The following MFRP variants were observed in gnomAD, a reference collection of about 807,000 sequenced individuals.
MFRP encodes the protein C1q and TNF related 5.
In MFRP, 74 loss-of-function variants were observed where a neutral mutation model predicts 65.8. The observed-to-expected ratio is 1.12, with a 90% CI of 0.93 to 1.36. MFRP has a LOEUF of 1.36. Ranked by LOEUF, MFRP falls within the 40% of genes most tolerant of loss-of-function variation. MFRP has a pLI of 0.00. For synonymous variants in MFRP, 336 were observed against 288.3 expected (o/e 1.17, Z -1.68); for missense variants, 838 against 736.0 (o/e 1.14, Z -1.60).
chr11:119,344,605 G>A (rs1468657921), intron 7 of MFRP, 27 bp downstream of exon 7: 6 of 1,613,870 alleles, frequency 3.7e-6, no homozygotes, highest in Admixed American at 1.7e-5. Flanking sequence ...GACGCCTGAA[G>A]AGAGGACCCC....
intron 7 of MFRP, 30 bp downstream of exon 7, chr11:119,344,602 G>T: frequency 4.3e-6 from 7 of 1,613,798 alleles, no homozygotes; most frequent in Non-Finnish European, 5.1e-6. Flanking sequence ...TCAGACGCCT[G>T]AAGAGAGGAC....
intron 7 of MFRP, 97 bp from the exon 8 acceptor site, chr11:119,344,488 CATGGG>C: frequency 6.4e-7 from 1 of 1,564,962 alleles, no homozygotes; most frequent in Non-Finnish European, 8.7e-7. Context: ...TGGCCATGCC[CATGGG>C]AAACAAGTTC....
Position 119,343,907 on chromosome 11 carries a change from T to A in MFRP, c.1033A>T (p.Asn345Tyr), listed in dbSNP as rs771627725. ...AGHSIELQFH[N>Y]FSLEAQDECK... ...TCGTCCTGAGCCTCCAGGCTGAAGT[T>A]GTGGAACTGTAGTTCTATGCTGTGT... Residue 345 changes from asparagine (N) to tyrosine (Y), a missense_variant, in exon 9 of 15, where the codon AAC becomes TAC. Physicochemically the swap from Asn to Tyr is moderately radical, Grantham distance 143. Transcript: ENST00000619721. 1.9e-6 allele frequency: 3 copies of A among 1,613,538 alleles called. No homozygotes were observed. In the African/African-American group the frequency reaches 4.0e-5, roughly 22 times the overall value.
Position 119,338,986 on chromosome 11 carries a change from C to A in MFRP, c.*1973G>T, listed in dbSNP as rs551431328. ...GAGTGATCTCTGAGAAAAGGGCCGG[C>A]CCCAGGAGCAGGAGGGGGTGGGGAG... On this transcript the variant is annotated 3_prime_UTR_variant, in exon 15 of 15. Coordinates refer to ENST00000619721, the MANE Select transcript of MFRP (RefSeq NM_031433.4). 21 of 241,438 alleles carry A rather than the reference C, an allele frequency of 8.7e-5. No homozygotes were observed. In the East Asian group the frequency reaches 1.7e-3, roughly 19 times the overall value. The allele number at this position is 241,438 out of a possible 1,614,324, so 15.0% of individuals were successfully genotyped here. A position where few individuals can be genotyped will look rare whatever the true frequency, so the allele number is the denominator to read the frequency against.
intron 13 of MFRP, 35 bp downstream of exon 13, chr11:119,340,660 T>G: frequency 2.1e-6 from 1 of 465,858 alleles, no homozygotes; most frequent in Non-Finnish European, 3.7e-6. Context: ...CACAGTCCCC[T>G]CCCCAGCCCC....
rs1049764064 is a variant in MFRP at position 119,344,950 on chromosome 11, C to T, written c.696G>A (p.Leu232=). ...CACTGCTGTCAGAGACGAAGACCAC[C>T]AGGAGGTGGCTGGCATTGGTGTTGA... ...PTLNTNASHL[L]VVFVSDSSVE... The change falls in exon 6 of 15, where the codon CTG becomes CTA. Residue 232 remains leucine (L), a synonymous_variant. Coordinates refer to ENST00000619721, the MANE Select transcript of MFRP (RefSeq NM_031433.4). 2 of 1,610,136 alleles carry T rather than the reference C, an allele frequency of 1.2e-6. No homozygotes were observed. Among genetic ancestry groups the T allele is most frequent in the Non-Finnish European group, 1.7e-6 (2 of 1,178,750 alleles).
chr11:119,341,771 C>T lies in MFRP; in HGVS notation c.1517G>A (p.Ser506Asn), dbSNP rs1470428145. The change falls in exon 13 of 15, where the codon AGC (serine) becomes AAC (asparagine). Residue 506 changes from serine (S) to asparagine (N), a missense_variant and splice_region_variant. Transcript: ENST00000619721. ...CTGGTAGCAGGGCAGGCTTGTCAGG[C>T]TCTGCGGAGGGAGAGTGGCCTTCAG... ...EVVEVLSGYK[S>N]LTSLPCYQHF... The T allele has an allele frequency of 6.2e-7, 1 of 1,613,128 alleles. No individual in the cohort carries two copies. The highest frequency in any genetic ancestry group is 1.1e-5 in the South Asian group (1 of 91,084).
At chr11:119,344,056 G>C (rs1489920214) in intron 8 of MFRP, 92 bp from the exon 9 acceptor site, 4 of 1,515,024 alleles carry the variant, frequency 2.6e-6, no homozygotes, top group South Asian at 1.1e-5. Flanking sequence ...CTGCTGGCTG[G>C]GGGGATGGGG....
rs1410233881 is a variant in MFRP at position 119,345,405 on chromosome 11, G to T, written c.641+15C>A. The T allele has an allele frequency of 6.2e-7, 1 of 1,612,722 alleles. No homozygotes were observed. Among genetic ancestry groups the T allele is most frequent in the South Asian group, 1.1e-5 (1 of 91,038 alleles). ...TCAGGACACGGTGGGATGTCCTGGG[G>T]ACAGAGGGACCTACCTGAGGAGGGG... On this transcript the variant is annotated intron_variant, in intron 5 of 14. Transcript: ENST00000619721.
rs1227789714 is a variant in MFRP, at chr11:119,339,291, C to G, written c.*1668G>C. On this transcript the variant is annotated 3_prime_UTR_variant, in exon 15 of 15. Coordinates refer to ENST00000619721, the MANE Select transcript of MFRP (RefSeq NM_031433.4). This position sits in a 1 kb window ranked among gnomAD's most constrained non-coding sequence, Gnocchi z 5.4. The stretch of plus-strand genomic sequence containing the variant: ...ACCTGGTTGTCAGCCTCACACCCTC[C>G]TTCTAGGAGTGAGAGCATGAGCTCA... 6.3e-7 allele frequency: 1 copy of G among 1,596,306 alleles called. No individual in the cohort carries two copies. Among genetic ancestry groups the G allele is most frequent in the East Asian group, 2.2e-5 (1 of 44,654 alleles).
At position 119,340,302 on chromosome 11, in the gene MFRP, G is replaced by C. The variant is rs760578346; in HGVS notation, c.*992C>G. The C allele has an allele frequency of 8.5e-6, 13 of 1,535,396 alleles. No individual in the cohort carries two copies. The highest frequency in any genetic ancestry group is 2.8e-5 in the African/African-American group (2 of 70,868). On this transcript the variant is annotated 3_prime_UTR_variant, in exon 14 of 15. Coordinates refer to ENST00000619721, the MANE Select transcript of MFRP (RefSeq NM_031433.4). ...GGTGGCCCGGCGTGCCTGGAAGGCC[G>C]GGGTGCCCCGGGCAGAGGCTGGGGA...
In MFRP at chr11:119,344,612, C is replaced by G; in HGVS notation, c.898+20G>C. 1.2e-6 allele frequency: 2 copies of G among 1,613,908 alleles called. No homozygotes were observed. Among genetic ancestry groups the G allele is most frequent in the Non-Finnish European group, 1.7e-6 (2 of 1,180,034 alleles). ...CCAGATCAGACGCCTGAAGAGAGGA[C>G]CCCCATGCCTGGCCCGTACCCGAGA... is the stretch of plus-strand genomic sequence containing the variant. On this transcript the variant is annotated intron_variant, in intron 7 of 14. Coordinates refer to ENST00000619721, the MANE Select transcript of MFRP (RefSeq NM_031433.4).
In MFRP at chr11:119,341,537, C is replaced by A. The variant is rs752068989; in HGVS notation, c.*11G>T. ...GGACGGGCAGGAAGAGGGCAGGGGC[C>A]GGCTTCAGGGTCAGGGCTGGGCACA... On this transcript the variant is annotated 3_prime_UTR_variant, in exon 13 of 15. Transcript: ENST00000619721. 10 of 1,608,946 alleles carry A rather than the reference C, an allele frequency of 6.2e-6. No homozygotes were observed. The highest frequency in any genetic ancestry group is 1.3e-5 in the African/African-American group (1 of 74,848).
rs1591307268 is a variant in MFRP, at chr11:119,346,107, G to A, written c.210C>T (p.Val70=). Residue 70 remains valine, a synonymous_variant, in exon 3 of 15, where the codon GTC becomes GTT. Coordinates refer to ENST00000619721, the MANE Select transcript of MFRP (RefSeq NM_031433.4). ...RPDCRFSWLC[V]LLLSSLLLLL... ...GGAGGAGCAGGCTGGAGAGCAGGAGGACACAGAGCCAGGAGAAGCGGCAGT... is the reference window on the plus strand; with the variant it reads ...GGAGGAGCAGGCTGGAGAGCAGGAGAACACAGAGCCAGGAGAAGCGGCAGT... 5 of 1,607,906 alleles carry A rather than the reference G, an allele frequency of 3.1e-6. No individual in the cohort carries two copies. In the East Asian group the frequency reaches 1.1e-4, roughly 36 times the overall value.
chr11:119,345,601 A>C lies in MFRP; in HGVS notation c.460T>G (p.Phe154Val). 6.2e-7 allele frequency: 1 copy of C among 1,613,802 alleles called. No homozygotes were observed. Among genetic ancestry groups the C allele is most frequent in the Non-Finnish European group, 8.5e-7 (1 of 1,179,984 alleles). ...TCTGGGTAGTTAGGGCTGCTGAAGA[A>C]GCCCCTTGGGCCAGAGAGGAGGCCT... is the stretch of plus-strand genomic sequence containing the variant. ...CGGLLSGPRGFFSSPNYPDPY... is the reference protein window; with the variant it reads ...CGGLLSGPRGVFSSPNYPDPY... The change falls in exon 5 of 15, where the codon TTC becomes GTC. Residue 154 changes from phenylalanine to valine, a missense_variant. By Grantham distance (50) the Phe-to-Val change is conservative. Coordinates refer to ENST00000619721, the MANE Select transcript of MFRP (RefSeq NM_031433.4).
At chr11:119,346,202 G>A in intron 2 of MFRP, 43 bp from the exon 3 acceptor site, 2 of 1,567,200 alleles carry the variant, frequency 1.3e-6, no homozygotes, top group Non-Finnish European at 1.7e-6. Flanking sequence ...CTTCTGTTGG[G>A]TATTCCTCAT....
chr11:119,340,510 G>A, intron 13 of MFRP, 70 bp from the exon 14 acceptor site: 2 of 1,196,526 alleles, frequency 1.7e-6, no homozygotes, highest in Non-Finnish European at 2.4e-6. Context: ...ACCCCGGCGC[G>A]GCCCAGTCGG....
Position 119,345,403 on chromosome 11 carries a change from G to A in MFRP, c.641+17C>T. 2 of 1,612,306 alleles carry A rather than the reference G, an allele frequency of 1.2e-6. No individual in the cohort carries two copies. The highest frequency in any genetic ancestry group is 1.7e-6 in the Non-Finnish European group (2 of 1,178,658). Reference sequence around the variant, plus strand: ...GTTCAGGACACGGTGGGATGTCCTGGGGACAGAGGGACCTACCTGAGGAGG... The same window carrying A: ...GTTCAGGACACGGTGGGATGTCCTGAGGACAGAGGGACCTACCTGAGGAGG... On this transcript the variant is annotated intron_variant, in intron 5 of 14. Coordinates refer to ENST00000619721, the MANE Select transcript of MFRP (RefSeq NM_031433.4).
rs1263503153 is a variant in MFRP, at chr11:119,346,675, GT to G, written c.-163del. 25 of 732,092 alleles carry G rather than the reference GT, an allele frequency of 3.4e-5. No homozygotes were observed. In the East Asian group the frequency reaches 6.4e-4, roughly 19 times the overall value. 45.3% of individuals were successfully genotyped at this position (732,092 alleles called of 1,614,324 possible). On this transcript the variant is annotated 5_prime_UTR_variant, in exon 1 of 15. Transcript: ENST00000619721. ...TTCTTGGGCTGTCCTTGGTAGAGTG[GT>G]TTGGCCTATGGGCTACTCTGTCTCT...
Sources: gnomAD v4.1 joint callset for allele counts on GRCh38, gnomAD v4.1.1 for gene constraint, Gnocchi (gnomAD v3.1) non-coding constraint, MANE v1.5 for transcripts, NCBI Gene and HGNC (gene_info 2026-07-23, HGNC 2026-07-21) for gene names.